NET1: variants seen among roughly 807,000 people sequenced by gnomAD.
The protein encoded by NET1 is neuroepithelial cell transforming 1.
A neutral mutation model predicts 61.1 loss-of-function variants in NET1; 42 were observed. The observed-to-expected ratio is 0.69, with a 90% CI of 0.54 to 0.89. The LOEUF (loss-of-function observed/expected upper bound fraction) is 0.89. NET1 is among the 40% of genes least tolerant of loss of function. The pLI, the probability that NET1 is intolerant of heterozygous loss-of-function variation, is 0.00. For synonymous variants in NET1, 254 were observed against 281.8 expected (o/e 0.90, Z 0.99); for missense variants, 654 against 747.3 (o/e 0.88, Z 1.46).
chr10:5,456,956 G>A lies in NET1; in HGVS notation c.1753G>A (p.Ala585Thr). Reference sequence around the variant, plus strand: ...CGGCATCCGAAGAGCGAGGGACAAAGCCCTTTCTGGTGGCAAACGGAAAGA... The same window carrying A: ...CGGCATCCGAAGAGCGAGGGACAAAACCCTTTCTGGTGGCAAACGGAAAGA... ...QPGIRRARDK[A>T]LSGGKRKETL... The change falls in exon 12 of 12, where the codon GCC becomes ACC. Residue 585 changes from alanine (A) to threonine (T), a missense_variant. By Grantham distance (58) the Ala-to-Thr change is moderately conservative (BLOSUM62 0). Coordinates refer to ENST00000355029, the MANE Select transcript of NET1 (RefSeq NM_001047160.3). This position sits in a 1 kb window ranked among gnomAD's most constrained non-coding sequence, Gnocchi z 7.0. The A allele has an allele frequency of 6.3e-7, 1 of 1,580,360 alleles. No homozygotes were observed. The highest frequency in any genetic ancestry group is 8.6e-7 in the Non-Finnish European group (1 of 1,162,806).
intron 3 of NET1, among the ~76,000 whole-genome samples, chr10:5,430,888 T>TC (rs1274612856): frequency 1.3e-5 from 2 of 150,912 alleles, no homozygotes; most frequent in Non-Finnish European, 3.0e-5. Flanking sequence ...TTTTTTTTTT[T>TC]TGAGACAGAG....
intron 1 of NET1, among the ~76,000 whole-genome samples, chr10:5,425,498 G>A (rs1405035966): frequency 1.3e-5 from 2 of 152,158 alleles, no homozygotes; most frequent in Non-Finnish European, 2.9e-5. Flanking sequence ...AAATGTCCAG[G>A]ACTTCATTAA....
rs1832726853 is a variant in NET1, at chr10:5,452,661, C to A, written c.531+136C>A. ...ACAAAACCTAATGATGGATGGTGGT[C>A]AAATTAAACAACTCTAATAGGGTAA... On this transcript the variant is annotated intron_variant, in intron 5 of 11. Coordinates refer to ENST00000355029, the MANE Select transcript of NET1 (RefSeq NM_001047160.3). This position sits in a 1 kb window ranked among gnomAD's most constrained non-coding sequence, Gnocchi z 4.0. The A allele has an allele frequency of 3.2e-6, 3 of 949,468 alleles. No individual in the cohort carries two copies. Among genetic ancestry groups the A allele is most frequent in the Admixed American group, 2.8e-5 (1 of 35,672 alleles). 58.8% of individuals were successfully genotyped at this position (949,468 alleles called of 1,614,324 possible).
rs1168805394 is a variant in NET1, at chr10:5,415,589, G to T, written c.128+2769G>T. Among the ~76,000 whole-genome samples the T allele has an allele frequency of 6.6e-6, 1 of 152,108 alleles. No individual in the cohort carries two copies. Among genetic ancestry groups the T allele is most frequent in the Admixed American group, 6.5e-5 (1 of 15,268 alleles). On this transcript the variant is annotated intron_variant, in intron 1 of 11. Transcript: ENST00000355029. This position sits in a 1 kb window ranked among gnomAD's most constrained non-coding sequence, Gnocchi z 4.7. ...CAAGTAGCTGGAACTACAGGCATGT[G>T]TCACCACGTGTGGCTAATTTTTTGT...
Position 5,453,273 on chromosome 10 carries a change from G to A in NET1, c.618G>A (p.Lys206=). The A allele has an allele frequency of 6.2e-7, 1 of 1,610,278 alleles. No homozygotes were observed. The highest frequency in any genetic ancestry group is 8.5e-7 in the Non-Finnish European group (1 of 1,176,626). ...ARKAYHDPML[K]LSIMSEEELT... ...AGGCCTATCATGACCCCATGTTAAA[G>A]TTGTCCATCATGTCAGAAGAGGAAC... The change falls in exon 7 of 12, where the codon AAG becomes AAA. Residue 206 remains lysine, a synonymous_variant. Transcript: ENST00000355029. The surrounding 1 kb of genome is among the most constrained non-coding windows in gnomAD (Gnocchi z 4.9).
rs1832412456 is a variant in NET1 at position 5,435,476 on chromosome 10, G to A, written c.255+6247G>A. Among the ~76,000 whole-genome samples the A allele has an allele frequency of 3.1e-4, 1 of 3,178 alleles. No homozygotes were observed. The highest frequency in any genetic ancestry group is 0.019 in the South Asian group (1 of 52). The allele number at this position is 3,178 out of a possible 152,430, so 2.1% of individuals were successfully genotyped here. Reference sequence around the variant, plus strand: ...CTACTTTATATGCCTCCGTGCCTGAGATAGATAGATAGATAGATAGATAGA... The same window carrying A: ...CTACTTTATATGCCTCCGTGCCTGAAATAGATAGATAGATAGATAGATAGA... On this transcript the variant is annotated intron_variant, in intron 3 of 11. Transcript: ENST00000355029. The surrounding 1 kb of genome is among the most constrained non-coding windows in gnomAD (Gnocchi z 5.0).
In NET1 at chr10:5,435,393, A is replaced by C. The variant is rs1832410962; in HGVS notation, c.255+6164A>C. On this transcript the variant is annotated intron_variant, in intron 3 of 11. Transcript: ENST00000355029. The surrounding 1 kb of genome is among the most constrained non-coding windows in gnomAD (Gnocchi z 5.0). ...CATCTAAATACAACAGTTTTTATGT[A>C]ATAAGCTAAACATAATCTGTTAGTA... 6.6e-6 allele frequency among the ~76,000 whole-genome samples: 1 copy of C among 152,172 alleles called. No individual in the cohort carries two copies. The highest frequency in any genetic ancestry group is 2.4e-5 in the African/African-American group (1 of 41,442).
Position 5,414,153 on chromosome 10 carries a change from T to C in NET1, c.128+1333T>C, listed in dbSNP as rs574604102. Among the ~76,000 whole-genome samples the C allele has an allele frequency of 7.9e-5, 12 of 152,186 alleles. No individual in the cohort carries two copies. The South Asian group carries it at 2.5e-3, about 32-fold the overall frequency. On this transcript the variant is annotated intron_variant, in intron 1 of 11. Transcript: ENST00000355029. ...TTCTATTTTATTACTATATTAACAG[T>C]GATATTTGTATAGAGGAGAGGAAAC...
rs1394426577 is a variant in NET1 at position 5,415,031 on chromosome 10, T to C, written c.128+2211T>C. On this transcript the variant is annotated intron_variant, in intron 1 of 11. Coordinates refer to ENST00000355029, the MANE Select transcript of NET1 (RefSeq NM_001047160.3). This position sits in a 1 kb window ranked among gnomAD's most constrained non-coding sequence, Gnocchi z 4.7. ...TGGAGAATTAAATAACATATTCCTT[T>C]TCCAGAAAAGATGTAAGATCATCTA... Among the ~76,000 whole-genome samples the C allele has an allele frequency of 1.3e-5, 2 of 152,156 alleles. No individual in the cohort carries two copies. The highest frequency in any genetic ancestry group is 2.9e-5 in the Non-Finnish European group (2 of 68,034).
intron 3 of NET1, among the ~76,000 whole-genome samples, chr10:5,438,240 T>A (rs879839462): frequency 6.6e-6 from 1 of 151,900 alleles, no homozygotes; most frequent in Non-Finnish European, 1.5e-5. Context: ...TGGAAGGAAA[T>A]TCATTAAGAA....
In NET1 at chr10:5,431,974, C is replaced by A. The variant is rs1564461333; in HGVS notation, c.255+2745C>A. Among the ~76,000 whole-genome samples, 1 of 152,102 alleles carries A rather than the reference C, an allele frequency of 6.6e-6. No individual in the cohort carries two copies. ...TGTTGGATGCTGTTTCAGGATGGTT[C>A]CTGTGTCCTTTTGACATGACCTTTA... On this transcript the variant is annotated intron_variant, in intron 3 of 11. Transcript: ENST00000355029. The surrounding 1 kb of genome is among the most constrained non-coding windows in gnomAD (Gnocchi z 4.9).
Position 5,425,273 on chromosome 10 carries a change from AC to A in NET1, c.129-1381del, listed in dbSNP as rs1392474332. Among the ~76,000 whole-genome samples, 143 of 152,208 alleles carry A rather than the reference AC, an allele frequency of 9.4e-4. 1 individual carries two copies. Among genetic ancestry groups the A allele is most frequent in the African/African-American group, 3.2e-3 (134 of 41,556 alleles). On this transcript the variant is annotated intron_variant, in intron 1 of 11. Transcript: ENST00000355029. ...CCTTGTCGGAAAAAAAACAAAAACA[AC>A]AACAACAACAAAATTTCTCCTTCAT...
chr10:5,441,613 A>G lies in NET1; in HGVS notation c.256-10217A>G, dbSNP rs1832526059. Among the ~76,000 whole-genome samples, 1 of 152,254 alleles carries G rather than the reference A, an allele frequency of 6.6e-6. No individual in the cohort carries two copies. The highest frequency in any genetic ancestry group is 2.4e-5 in the African/African-American group (1 of 41,468). ...GCTATTTGTGTTGTCATCGCACAAA[A>G]GAACCATTGTTTTGACAATACCAAA... On this transcript the variant is annotated intron_variant, in intron 3 of 11. Coordinates refer to ENST00000355029, the MANE Select transcript of NET1 (RefSeq NM_001047160.3). This position sits in a 1 kb window ranked among gnomAD's most constrained non-coding sequence, Gnocchi z 4.6.
At position 5,416,455 on chromosome 10, in the gene NET1, G is replaced by C; in HGVS notation, c.128+3635G>C. ...AAAGGAGTCCACAGGGATTCTGATAGAGATTGCATTAAATCTTGTAGATCA... is the reference window on the plus strand; with the variant it reads ...AAAGGAGTCCACAGGGATTCTGATACAGATTGCATTAAATCTTGTAGATCA... On this transcript the variant is annotated intron_variant, in intron 1 of 11. Coordinates refer to ENST00000355029, the MANE Select transcript of NET1 (RefSeq NM_001047160.3). This position sits in a 1 kb window ranked among gnomAD's most constrained non-coding sequence, Gnocchi z 6.1. Among the ~76,000 whole-genome samples the C allele has an allele frequency of 6.6e-6, 1 of 152,208 alleles. No individual in the cohort carries two copies. Among genetic ancestry groups the C allele is most frequent in the Non-Finnish European group, 1.5e-5 (1 of 68,036 alleles).
rs927690791 is a variant in NET1 at position 5,426,968 on chromosome 10, AT to A, written c.195+248del. On this transcript the variant is annotated intron_variant, in intron 2 of 11. Coordinates refer to ENST00000355029, the MANE Select transcript of NET1 (RefSeq NM_001047160.3). This position sits in a 1 kb window ranked among gnomAD's most constrained non-coding sequence, Gnocchi z 4.6. The stretch of plus-strand genomic sequence containing the variant: ...ATCTATTAATCTTTAACTCTATGCC[AT>A]CCTTTCTCTTATTCCTTTCAATGTT... Among the ~76,000 whole-genome samples the A allele has an allele frequency of 6.6e-6, 1 of 152,202 alleles. No homozygotes were observed. Among genetic ancestry groups the A allele is most frequent in the Non-Finnish European group, 1.5e-5 (1 of 68,016 alleles).
Position 5,453,750 on chromosome 10 carries a change from A to T in NET1, c.768+190A>T, listed in dbSNP as rs1228892595. ...AAAAAAAAAAAAAAACACCTTCATTAATGCTATAGGTTCATTTGTGTTACA... is the reference window on the plus strand; with the variant it reads ...AAAAAAAAAAAAAAACACCTTCATTTATGCTATAGGTTCATTTGTGTTACA... On this transcript the variant is annotated intron_variant, in intron 8 of 11. Coordinates refer to ENST00000355029, the MANE Select transcript of NET1 (RefSeq NM_001047160.3). This position sits in a 1 kb window ranked among gnomAD's most constrained non-coding sequence, Gnocchi z 4.9. Among the ~76,000 whole-genome samples, 1 of 152,144 alleles carries T rather than the reference A, an allele frequency of 6.6e-6. No homozygotes were observed. The highest frequency in any genetic ancestry group is 2.4e-5 in the African/African-American group (1 of 41,436).
rs566884963 is a variant in NET1, at chr10:5,440,086, G to A, written c.255+10857G>A. ...CAACCTCTGAATTTTTGTGGCATGC[G>A]TTTGATTTACTGGGATATCCAAAAT... On this transcript the variant is annotated intron_variant, in intron 3 of 11. Coordinates refer to ENST00000355029, the MANE Select transcript of NET1 (RefSeq NM_001047160.3). This position sits in a 1 kb window ranked among gnomAD's most constrained non-coding sequence, Gnocchi z 4.1. 3.9e-5 allele frequency among the ~76,000 whole-genome samples: 6 copies of A among 152,224 alleles called. No homozygotes were observed. Among genetic ancestry groups the A allele is most frequent in the East Asian group, 3.9e-4 (2 of 5,186 alleles).
chr10:5,438,298 C>A (rs1029986015), intron 3 of NET1, among the ~76,000 whole-genome samples: 1 of 151,784 alleles, frequency 6.6e-6, no homozygotes, highest in Admixed American at 6.6e-5. Context: ...AGAGTAAAAC[C>A]AAAATTTGGT....
At chr10:5,434,691 T>C (rs1008151985) in intron 3 of NET1, among the ~76,000 whole-genome samples, 2 of 149,174 alleles carry the variant, frequency 1.3e-5, no homozygotes, top group African/African-American at 2.5e-5. Context: ...TATTTGTGGG[T>C]TTTCTTTTTT....
Sources: allele counts gnomAD v4.1 joint callset (sites outside exome capture counted in the v4.1 genomes callset), GRCh38; gene constraint gnomAD v4.1.1; non-coding constraint Gnocchi (gnomAD v3.1); transcripts MANE v1.5; gene names NCBI Gene and HGNC (gene_info 2026-07-23, HGNC 2026-07-21).